The following SLIT2 variants were observed in gnomAD, a reference collection of about 807,000 sequenced individuals.
SLIT2 encodes the protein slit guidance ligand 2, also known as slit homolog 2 protein.
SLIT2 carries 41 observed loss-of-function variants against 185.7 expected under a neutral mutation model. That is an observed-to-expected ratio of 0.22 (90% CI 0.17 to 0.29). The LOEUF (loss-of-function observed/expected upper bound fraction) is 0.29, where lower values mean the gene tolerates loss of function less well. SLIT2 is among the 10% of genes least tolerant of loss of function. The pLI, the probability that SLIT2 is intolerant of heterozygous loss-of-function variation, is 1.00. For synonymous variants in SLIT2, 693 were observed against 680.2 expected (o/e 1.02, Z -0.29); for missense variants, 1,571 against 1,909.0 (o/e 0.82, Z 3.30).
intron 11 of SLIT2, among the ~76,000 whole-genome samples, chr4:20,518,566 T>C (rs1223636108): frequency 7.1e-5 from 1 of 14,004 alleles, no homozygotes; most frequent in Non-Finnish European, 1.3e-4. Flanking sequence ...TGTATATATA[T>C]ATATATATAT....
chr4:20,554,081 A>AT (rs890642373), intron 26 of SLIT2, 113 bp downstream of exon 26: 5 of 878,412 alleles, frequency 5.7e-6, no homozygotes, highest in African/African-American at 1.7e-5. Flanking sequence ...GTAAATGATT[A>AT]TTTTTTCAGC....
At chr4:20,460,548 T>A (rs1713588315) in intron 4 of SLIT2, among the ~76,000 whole-genome samples, 1 of 152,220 alleles carries the variant, frequency 6.6e-6, no homozygotes. Context: ...ATAGTCATCC[T>A]GCTGTACAAT....
chr4:20,602,432 C>G (rs1366482174), intron 33 of SLIT2, among the ~76,000 whole-genome samples: 1 of 152,162 alleles, frequency 6.6e-6, no homozygotes, highest in Non-Finnish European at 1.5e-5. Context: ...ATTTTCTCAT[C>G]TTATCTGTTA....
At chr4:20,570,068 T>C (rs1400694476) in intron 29 of SLIT2, among the ~76,000 whole-genome samples, 1 of 152,100 alleles carries the variant, frequency 6.6e-6, no homozygotes, top group Non-Finnish European at 1.5e-5. Flanking sequence ...GGTAGAATAA[T>C]GAGGCTCGGT....
intron 4 of SLIT2, among the ~76,000 whole-genome samples, chr4:20,309,731 T>C (rs969938616): frequency 6.7e-6 from 1 of 149,544 alleles, no homozygotes; most frequent in African/African-American, 2.4e-5. Flanking sequence ...CTACTAACAA[T>C]CTTTGGTGAC....
At position 20,264,405 on chromosome 4, in the gene SLIT2, C is replaced by G. The variant is rs928418394; in HGVS notation, c.324-4405C>G. Reference sequence around the variant, plus strand: ...CAGACCTAGCACGCTGCTAAAAACACCTTATATTTACATGTAAATATGACA... The same window carrying G: ...CAGACCTAGCACGCTGCTAAAAACAGCTTATATTTACATGTAAATATGACA... On this transcript the variant is annotated intron_variant, in intron 3 of 36. Coordinates refer to ENST00000504154, the MANE Select transcript of SLIT2 (RefSeq NM_004787.4). 2.1e-4 allele frequency among the ~76,000 whole-genome samples: 32 copies of G among 151,800 alleles called. 1 individual carries two copies. Among genetic ancestry groups the G allele is most frequent in the African/African-American group, 7.5e-4 (31 of 41,452 alleles).
chr4:20,512,570 G>C (rs1315679258), intron 11 of SLIT2, among the ~76,000 whole-genome samples: 1 of 152,086 alleles, frequency 6.6e-6, no homozygotes, highest in Non-Finnish European at 1.5e-5. Context: ...AGGCTGTACT[G>C]TCAGGTTCTA....
At chr4:20,290,264 T>G (rs1715666436) in intron 4 of SLIT2, among the ~76,000 whole-genome samples, 1 of 152,168 alleles carries the variant, frequency 6.6e-6, no homozygotes, top group Non-Finnish European at 1.5e-5. Context: ...CAGCCCTTCG[T>G]GTCTGTGGGT....
chr4:20,351,045 T>C (rs1183007508), intron 4 of SLIT2, among the ~76,000 whole-genome samples: 2 of 136,996 alleles, frequency 1.5e-5, no homozygotes, highest in Non-Finnish European at 3.2e-5. Flanking sequence ...AGTCTGTTTC[T>C]TTTTTTCTTT....
chr4:20,602,190 C>T (rs572572228), intron 33 of SLIT2, among the ~76,000 whole-genome samples: 2 of 152,078 alleles, frequency 1.3e-5, no homozygotes, highest in Non-Finnish European at 2.9e-5. Context: ...TTCAAAAAGA[C>T]TTTCTTTTAA....
chr4:20,514,047 G>A (rs6810790), intron 11 of SLIT2, among the ~76,000 whole-genome samples: 114,279 of 152,068 alleles, frequency 0.75, 43,285 homozygotes, highest in East Asian at 0.95. Flanking sequence ...GATTTGCAGA[G>A]AAGAATTGTG....
chr4:20,389,298 G>A (rs1047493476), intron 4 of SLIT2, among the ~76,000 whole-genome samples: 2 of 151,812 alleles, frequency 1.3e-5, no homozygotes, highest in South Asian at 4.2e-4. Context: ...TTATAAAAAT[G>A]CAACAGAAAC....
rs1729222426 is a variant in SLIT2, at chr4:20,611,524, A to T, written c.3847+1357A>T. ...AACTATAATGCATTATAAATAAAGTATTGCATAGTGAGTCTACTCAGCAAG... is the reference window on the plus strand; with the variant it reads ...AACTATAATGCATTATAAATAAAGTTTTGCATAGTGAGTCTACTCAGCAAG... On this transcript the variant is annotated intron_variant, in intron 34 of 36. Transcript: ENST00000504154. Among the ~76,000 whole-genome samples, 3 of 152,210 alleles carry T rather than the reference A, an allele frequency of 2.0e-5. 1 individual carries two copies. The South Asian group carries it at 6.2e-4, about 32-fold the overall frequency.
chr4:20,592,856 C>G (rs1414993550), intron 30 of SLIT2, among the ~76,000 whole-genome samples: 1 of 152,134 alleles, frequency 6.6e-6, no homozygotes, highest in Non-Finnish European at 1.5e-5. Flanking sequence ...TTAAAACCAA[C>G]TGGCTGCAAA....
intron 4 of SLIT2, among the ~76,000 whole-genome samples, chr4:20,460,393 A>G (rs1469041404): frequency 6.6e-6 from 1 of 152,206 alleles, no homozygotes; most frequent in Non-Finnish European, 1.5e-5. Flanking sequence ...CATTGCAAAC[A>G]TGATGTTTTG....
chr4:20,510,676 T>G (rs1028956929), intron 10 of SLIT2, 110 bp downstream of exon 10: 2 of 644,392 alleles, frequency 3.1e-6, no homozygotes, highest in Admixed American at 2.6e-5. Context: ...GCTTAAATAT[T>G]AAGTGATGTG....
At chr4:20,287,841 A>T (rs2109071846) in intron 4 of SLIT2, among the ~76,000 whole-genome samples, 1 of 152,318 alleles carries the variant, frequency 6.6e-6, no homozygotes, top group Non-Finnish European at 1.5e-5. Flanking sequence ...CTGGATAAAT[A>T]CTTGCTAAAT....
At chr4:20,291,582 T>G (rs1715953394) in intron 4 of SLIT2, among the ~76,000 whole-genome samples, 1 of 147,526 alleles carries the variant, frequency 6.8e-6, no homozygotes, top group African/African-American at 2.5e-5. Flanking sequence ...TGTTAAAAAT[T>G]TTCTGTTTAA....
At chr4:20,533,934 T>TACACAC (rs3049205) in intron 18 of SLIT2, among the ~76,000 whole-genome samples, 5,024 of 151,068 alleles carry the variant, frequency 0.033, 99 homozygotes, top group Non-Finnish European at 0.038. Context: ...CGATGTGTGT[T>TACACAC]ACACACACAC....
Sources: allele counts gnomAD v4.1 joint callset (sites outside exome capture counted in the v4.1 genomes callset), GRCh38; gene constraint gnomAD v4.1.1; transcripts MANE v1.5; gene names NCBI Gene and HGNC (gene_info 2026-07-23, HGNC 2026-07-21).